Variants in DGKB observed in about 807,000 individuals in gnomAD.
The protein encoded by DGKB is 90 kDa diacylglycerol kinase.
In DGKB, 67 loss-of-function variants were observed where a neutral mutation model predicts 114.3. The observed-to-expected ratio is 0.59, with a 90% confidence interval of 0.48 to 0.72. The LOEUF is 0.72. DGKB is among the 30% of genes least tolerant of loss of function. The pLI is 0.00. For missense variants in DGKB, 907 were observed against 975.2 expected (o/e 0.93, Z 0.93); for synonymous variants, 398 against 323.1 (o/e 1.23, Z -2.49).
chr7:14,766,088 C>G (rs1171483062), intron 2 of DGKB, among the ~76,000 whole-genome samples: 1 of 151,902 alleles, frequency 6.6e-6, no homozygotes, highest in African/African-American at 2.4e-5. Context: ...AAAGACAAAT[C>G]TGGAGATAAA....
intron 2 of DGKB, among the ~76,000 whole-genome samples, chr7:14,766,204 T>A (rs1836430706): frequency 6.6e-6 from 1 of 151,994 alleles, no homozygotes; most frequent in Non-Finnish European, 1.5e-5. Context: ...TATTGGAATA[T>A]ATCATTGAAC....
chr7:14,689,209 T>TTATTTTTTA (rs1563917626), intron 9 of DGKB, among the ~76,000 whole-genome samples: 2 of 123,786 alleles, frequency 1.6e-5, no homozygotes, highest in African/African-American at 3.1e-5. Flanking sequence ...ATTTTTTTTT[T>TTATTTTTTA]TTTTTTTTTT....
At chr7:14,177,924 T>C (rs1782028842) in intron 24 of DGKB, 107 bp downstream of exon 24, 1 of 1,204,990 alleles carries the variant, frequency 8.3e-7, no homozygotes. Context: ...TAACTGATTA[T>C]TTGGAGCCCA....
In DGKB at chr7:14,149,208, T is replaced by A. The variant is rs201637639; in HGVS notation, c.2335A>T (p.Met779Leu). ...GTTTTTGGAGGCGGGCCCATCAGCA[T>A]TGGGGCTTGGTTCTTGTGTGTAATT... ...IKITHKNQAP[M>L]LMGPPPKTGL... The change falls in exon 26 of 26, where the codon ATG becomes TTG. Residue 779 changes from methionine (M) to leucine (L), a missense_variant. By Grantham distance (15) the Met-to-Leu change is conservative. This residue lies in a region of DGKB where 58 missense variants were observed against 52.5 expected (regional missense o/e 1.10). Coordinates refer to ENST00000402815, the MANE Select transcript of DGKB (RefSeq NM_001350709.2). 3.1e-6 allele frequency: 5 copies of A among 1,613,360 alleles called. No individual in the cohort carries two copies. The East Asian group carries it at 1.1e-4, about 36-fold the overall frequency.
intron 6 of DGKB, among the ~76,000 whole-genome samples, chr7:14,710,440 C>T (rs1274167296): frequency 1.3e-5 from 2 of 152,022 alleles, no homozygotes; most frequent in Non-Finnish European, 2.9e-5. Context: ...CTATAATAAA[C>T]AATGAATTTC....
intron 2 of DGKB, among the ~76,000 whole-genome samples, chr7:14,758,699 A>T (rs1835236278): frequency 1.3e-5 from 2 of 152,158 alleles, no homozygotes; most frequent in Non-Finnish European, 2.9e-5. Context: ...ACTACCACAA[A>T]ATATTTCCCA....
At chr7:14,844,035 G>C (rs913972803) in intron 1 of DGKB, among the ~76,000 whole-genome samples, 4 of 152,182 alleles carry the variant, frequency 2.6e-5, no homozygotes, top group Non-Finnish European at 5.9e-5. Flanking sequence ...AGCCCACCCA[G>C]TATCCATTCT....
rs569233009 is a variant in DGKB, at chr7:14,681,423, A to ATG, written c.1035+1128_1035+1129dup. ...TTCTCATCATTCTGTATGAGTGTGC[A>ATG]TGTGTGTGTGAGTGTGTGTGTATGT... On this transcript the variant is annotated intron_variant, in intron 12 of 25. Coordinates refer to ENST00000402815, the MANE Select transcript of DGKB (RefSeq NM_001350709.2). 3.3e-3 allele frequency among the ~76,000 whole-genome samples: 503 copies of ATG among 151,574 alleles called. 2 individuals carry two copies. The highest frequency in any genetic ancestry group is 0.012 in the African/African-American group (485 of 41,398).
At chr7:14,472,614 G>T (rs112361052) in intron 21 of DGKB, among the ~76,000 whole-genome samples, 108 of 152,294 alleles carry the variant, frequency 7.1e-4, no homozygotes, top group African/African-American at 2.2e-3. Flanking sequence ...ACAGGCAGAG[G>T]TTGGAACACT....
intron 25 of DGKB, among the ~76,000 whole-genome samples, chr7:14,166,997 C>A (rs919142694): frequency 1.3e-5 from 2 of 152,034 alleles, no homozygotes; most frequent in African/African-American, 4.8e-5. Context: ...ATTGCCTGAG[C>A]TCAGAAGTCT....
chr7:14,880,136 G>C (rs1054021469), intron 1 of DGKB, among the ~76,000 whole-genome samples: 3 of 152,112 alleles, frequency 2.0e-5, no homozygotes, highest in African/African-American at 7.2e-5. Context: ...TCCAGCCAGA[G>C]GTAGTGAGTC....
At position 14,840,121 on chromosome 7, in the gene DGKB, T is replaced by C. The variant is rs1363795004; in HGVS notation, c.70+1073A>G. Among the ~76,000 whole-genome samples, 8 of 152,322 alleles carry C rather than the reference T, an allele frequency of 5.3e-5. No homozygotes were observed. In the South Asian group the frequency reaches 1.7e-3, roughly 32 times the overall value. On this transcript the variant is annotated intron_variant, in intron 2 of 25. Transcript: ENST00000402815. The stretch of plus-strand genomic sequence containing the variant: ...TCTCTGCTTCTACTTTATAATATCA[T>C]CCAACTAATTCCTGATACACATCTC...
intron 20 of DGKB, among the ~76,000 whole-genome samples, chr7:14,499,294 T>G (rs1785767462): frequency 6.6e-6 from 1 of 151,714 alleles, no homozygotes; most frequent in Non-Finnish European, 1.5e-5. Context: ...CATTTATTAT[T>G]ATTGCTTGAG....
chr7:14,445,065 T>C (rs1038565650), intron 21 of DGKB, among the ~76,000 whole-genome samples: 6 of 151,926 alleles, frequency 3.9e-5, no homozygotes, highest in African/African-American at 1.4e-4. Context: ...CCTGTACCAC[T>C]ATTGTTCCCA....
At chr7:14,341,433 T>C (rs563989525) in intron 22 of DGKB, among the ~76,000 whole-genome samples, 1 of 151,830 alleles carries the variant, frequency 6.6e-6, no homozygotes, top group South Asian at 2.1e-4. Flanking sequence ...TGTCAGATAA[T>C]ATTTTCATTC....
chr7:14,186,787 A>G (rs754409312), intron 23 of DGKB, among the ~76,000 whole-genome samples: 5 of 152,190 alleles, frequency 3.3e-5, no homozygotes, highest in African/African-American at 4.8e-5. Context: ...CAAACGTCGT[A>G]TGTTCTCATG....
At chr7:14,427,089 C>T (rs903499863) in intron 21 of DGKB, among the ~76,000 whole-genome samples, 1 of 151,712 alleles carries the variant, frequency 6.6e-6, no homozygotes, top group Non-Finnish European at 1.5e-5. Flanking sequence ...ACACTGGGGC[C>T]TGTCAGGGAG....
At chr7:14,166,101 T>TTTTAG in intron 25 of DGKB, among the ~76,000 whole-genome samples, 1 of 152,346 alleles carries the variant, frequency 6.6e-6, no homozygotes, top group South Asian at 2.1e-4. Flanking sequence ...AAGTGTCTTA[T>TTTTAG]ACTAACAGAT....
At chr7:14,890,855 C>T (rs1201248176) in intron 1 of DGKB, among the ~76,000 whole-genome samples, 2 of 137,422 alleles carry the variant, frequency 1.5e-5, no homozygotes, top group African/African-American at 2.7e-5. Context: ...ATGACCAATT[C>T]ACAGAATGCC....
Sources: allele counts gnomAD v4.1 joint callset (sites outside exome capture counted in the v4.1 genomes callset), GRCh38; gene constraint gnomAD v4.1.1; regional missense constraint gnomAD v4.1.1; transcripts MANE v1.5; gene names NCBI Gene and HGNC (gene_info 2026-07-23, HGNC 2026-07-21).